The following PBX1 variants were observed in gnomAD, a reference collection of about 807,000 sequenced individuals.
The protein encoded by PBX1 is pre-B-cell leukemia transcription factor 1.
PBX1 carries 6 observed loss-of-function variants against 53.4 expected under a neutral mutation model. The observed-to-expected ratio is 0.11, with a 90% CI of 0.06 to 0.22. PBX1 has a LOEUF of 0.22. Among genes scored for constraint, PBX1 ranks in the 10% least tolerant of loss-of-function variants. PBX1 has a pLI of 1.00. For missense variants in PBX1, 251 were observed against 551.4 expected (o/e 0.46, Z 5.46); for synonymous variants, 204 against 212.3 (o/e 0.96, Z 0.34).
intron 8 of PBX1, among the ~76,000 whole-genome samples, chr1:164,841,535 G>A (rs1267060059): frequency 6.6e-6 from 1 of 152,152 alleles, no homozygotes; most frequent in Non-Finnish European, 1.5e-5. Context: ...CCCAGACCGG[G>A]CCTGGATCTC....
intron 2 of PBX1, among the ~76,000 whole-genome samples, chr1:164,579,977 G>C (rs1325254064): frequency 6.6e-6 from 1 of 152,178 alleles, no homozygotes; most frequent in African/African-American, 2.4e-5. Flanking sequence ...CTGACTTGGA[G>C]ATTTTACTTG....
intron 2 of PBX1, among the ~76,000 whole-genome samples, chr1:164,679,135 G>A (rs1311531581): frequency 6.6e-6 from 1 of 152,072 alleles, no homozygotes; most frequent in African/African-American, 2.4e-5. Context: ...ACGTTACATA[G>A]GTTTTTATAC....
At chr1:164,691,887 C>T (rs1305521732) in intron 2 of PBX1, among the ~76,000 whole-genome samples, 1 of 152,042 alleles carries the variant, frequency 6.6e-6, no homozygotes, top group African/African-American at 2.4e-5. Flanking sequence ...CAGGTGACTA[C>T]ACAGTCAAAG....
intron 8 of PBX1, among the ~76,000 whole-genome samples, chr1:164,834,953 T>C (rs1194270357): frequency 5.7e-4 from 86 of 152,180 alleles, no homozygotes; most frequent in Non-Finnish European, 7.4e-5. Context: ...ATGTAGAAAA[T>C]TTGGAGAATT....
Position 164,774,064 on chromosome 1 carries a change from ATTACT to A in PBX1, c.266-18426_266-18422del, listed in dbSNP as rs1266876713. ...ATGAGGAACTTCAGAGGGGGCTAAG[ATTACT>A]TTAAGGGAAAGCTAATGAGTTGTTG... On this transcript the variant is annotated intron_variant, in intron 2 of 8. Coordinates refer to ENST00000420696, the MANE Select transcript of PBX1 (RefSeq NM_002585.4). Among the ~76,000 whole-genome samples, 7 of 152,314 alleles carry A rather than the reference ATTACT, an allele frequency of 4.6e-5. No individual in the cohort carries two copies. The East Asian group carries it at 1.2e-3, about 25-fold the overall frequency.
chr1:164,793,904 T>G (rs1668658202), intron 3 of PBX1, among the ~76,000 whole-genome samples: 1 of 138,368 alleles, frequency 7.2e-6, no homozygotes, highest in African/African-American at 2.7e-5. Context: ...AGATGGGGTC[T>G]CACTCTGTCA....
chr1:164,668,612 T>C (rs573278944), intron 2 of PBX1, among the ~76,000 whole-genome samples: 1 of 152,300 alleles, frequency 6.6e-6, no homozygotes, highest in South Asian at 2.1e-4. Flanking sequence ...TTTGAAGTTC[T>C]TGTGCTCAAG....
chr1:164,657,958 G>T (rs900158743), intron 2 of PBX1, among the ~76,000 whole-genome samples: 6 of 152,038 alleles, frequency 3.9e-5, no homozygotes. Flanking sequence ...AGTAGCTTTG[G>T]GTATGGCCTC....
intron 4 of PBX1, 93 bp from the exon 5 acceptor site, chr1:164,807,449 A>C: frequency 6.8e-7 from 1 of 1,476,874 alleles, no homozygotes; most frequent in African/African-American, 1.4e-5. Flanking sequence ...TTGCTCAAAA[A>C]TTTGTCTTCT....
At position 164,847,648 on chromosome 1, in the gene PBX1, T is replaced by A; in HGVS notation, c.*972T>A. ...ACACGTTCATGCACATGTAGGCACA[T>A]GTACCATCTCACATCTTCACTTTCC... On this transcript the variant is annotated 3_prime_UTR_variant, in exon 9 of 9. Coordinates refer to ENST00000420696, the MANE Select transcript of PBX1 (RefSeq NM_002585.4). 9.4e-7 allele frequency: 1 copy of A among 1,060,698 alleles called. No individual in the cohort carries two copies. The highest frequency in any genetic ancestry group is 5.1e-5 in the East Asian group (1 of 19,550). The allele number at this position is 1,060,698 out of a possible 1,614,324, so 65.7% of individuals were successfully genotyped here.
At chr1:164,750,772 G>A (rs1666168472) in intron 2 of PBX1, among the ~76,000 whole-genome samples, 1 of 152,188 alleles carries the variant, frequency 6.6e-6, no homozygotes, top group African/African-American at 2.4e-5. Flanking sequence ...ATCTGGAACA[G>A]AAAGCCTGCA....
chr1:164,648,487 A>T (rs1410316714), intron 2 of PBX1, among the ~76,000 whole-genome samples: 1 of 152,186 alleles, frequency 6.6e-6, no homozygotes. Flanking sequence ...CACACTTAGG[A>T]TATTTTACTT....
At chr1:164,841,436 T>C (rs749742217) in intron 8 of PBX1, among the ~76,000 whole-genome samples, 15 of 152,100 alleles carry the variant, frequency 9.9e-5, no homozygotes, top group Non-Finnish European at 1.2e-4. Context: ...TGGGTAGCCA[T>C]TGAAGATTTC....
Position 164,760,105 on chromosome 1 carries a change from G to T in PBX1, c.266-32389G>T, listed in dbSNP as rs566294655. On this transcript the variant is annotated intron_variant, in intron 2 of 8. Coordinates refer to ENST00000420696, the MANE Select transcript of PBX1 (RefSeq NM_002585.4). ...ATTGTTTCTATCTCGTTTATTTTAA[G>T]TATAGTTTTACACTTTATTATGTGC... Among the ~76,000 whole-genome samples the T allele has an allele frequency of 8.9e-4, 135 of 152,150 alleles. 2 individuals carry two copies. Among genetic ancestry groups the T allele is most frequent in the Non-Finnish European group, 1.0e-3 (71 of 68,024 alleles).
intron 2 of PBX1, among the ~76,000 whole-genome samples, chr1:164,582,585 G>A (rs1228775408): frequency 6.6e-6 from 1 of 152,032 alleles, no homozygotes; most frequent in African/African-American, 2.4e-5. Flanking sequence ...ACCACACCCA[G>A]CTAATTTTTG....
intron 1 of PBX1, among the ~76,000 whole-genome samples, chr1:164,561,281 T>G (rs1264175981): frequency 6.6e-6 from 1 of 152,164 alleles, no homozygotes; most frequent in Non-Finnish European, 1.5e-5. Flanking sequence ...GTTGAGAAAA[T>G]GAGAGGAAGC....
chr1:164,588,843 T>C (rs1252156283), intron 2 of PBX1, among the ~76,000 whole-genome samples: 1 of 152,122 alleles, frequency 6.6e-6, no homozygotes, highest in Non-Finnish European at 1.5e-5. Context: ...GCCCCCACCA[T>C]GCCCTCCTTT....
Position 164,848,315 on chromosome 1 carries a change from A to C in PBX1, c.*1639A>C. On this transcript the variant is annotated 3_prime_UTR_variant, in exon 9 of 9. Transcript: ENST00000420696. ...AGATGGCAGCTCTATCACTTGATTA[A>C]GTGGGAGGTGGTCAAATATTTTGGT... The C allele has an allele frequency of 9.5e-7, 1 of 1,057,338 alleles. No individual in the cohort carries two copies. Among genetic ancestry groups the C allele is most frequent in the Non-Finnish European group, 1.1e-6 (1 of 874,312 alleles). 65.5% of individuals were successfully genotyped at this position (1,057,338 alleles called of 1,614,324 possible).
intron 8 of PBX1, among the ~76,000 whole-genome samples, chr1:164,840,970 A>G (rs1461312924): frequency 1.3e-5 from 2 of 152,128 alleles, no homozygotes; most frequent in Admixed American, 6.6e-5. Context: ...ACTTCATCCT[A>G]TGCCTCTCCA....
Sources: allele counts gnomAD v4.1 joint callset (sites outside exome capture counted in the v4.1 genomes callset), GRCh38; gene constraint gnomAD v4.1.1; transcripts MANE v1.5; gene names NCBI Gene and HGNC (gene_info 2026-07-23, HGNC 2026-07-21).